The following RPL34 variants were observed in gnomAD, a reference collection of about 807,000 sequenced individuals.
The protein encoded by RPL34 is ribosomal protein L34.
A neutral mutation model predicts 16.3 loss-of-function variants in RPL34; 2 were observed. The observed-to-expected ratio is 0.12, with a 90% CI of 0.05 to 0.39. The LOEUF (loss-of-function observed/expected upper bound fraction) is 0.39. RPL34 is among the 10% of genes least tolerant of loss of function. The pLI, the probability that RPL34 is intolerant of heterozygous loss-of-function variation, is 0.99. For synonymous variants in RPL34, 47 were observed against 48.5 expected (o/e 0.97, Z 0.13); for missense variants, 82 against 148.8 (o/e 0.55, Z 2.33).
rs2110366720 is a variant in RPL34, at chr4:108,625,274, T to A, written c.*62T>A. ...ACGCTGTATGTATGACTTTTTTTTTTTCTGTTGTAATGTGTTAGTATACAG... is the reference window on the plus strand; with the variant it reads ...ACGCTGTATGTATGACTTTTTTTTTATCTGTTGTAATGTGTTAGTATACAG... On this transcript the variant is annotated 3_prime_UTR_variant, in exon 5 of 5. Coordinates refer to ENST00000394667, the MANE Select transcript of RPL34 (RefSeq NM_001319236.2). 2.0e-6 allele frequency: 2 copies of A among 1,007,126 alleles called. No homozygotes were observed. The highest frequency in any genetic ancestry group is 5.0e-5 in the East Asian group (2 of 39,682). The allele number at this position is 1,007,126 out of a possible 1,614,324, so 62.4% of individuals were successfully genotyped here.
chr4:108,625,749 G>A (rs938899643), downstream of RPL34, among the ~76,000 whole-genome samples: 1 of 152,150 alleles, frequency 6.6e-6, no homozygotes, highest in Non-Finnish European at 1.5e-5. Context: ...TTTGGTGACA[G>A]CTCTACCGCT....
rs1474572758 is a variant in RPL34 at position 108,622,088 on chromosome 4, A to G, written c.66-17A>G. 3 of 1,602,576 alleles carry G rather than the reference A, an allele frequency of 1.9e-6. No homozygotes were observed. Among genetic ancestry groups the G allele is most frequent in the African/African-American group, 1.3e-5 (1 of 74,764 alleles). ...TACTCTACAAAATGCTGACCTACTG[A>G]CTGTTTCACTTTCTAGGTCCCGAAC... On this transcript the variant is annotated splice_polypyrimidine_tract_variant and intron_variant, in intron 2 of 4. Transcript: ENST00000394667.
At chr4:108,625,495 C>T (rs1271116992), downstream of RPL34, 1 of 257,702 alleles carries the variant, frequency 3.9e-6, no homozygotes, top group African/African-American at 2.2e-5. Context: ...AAGTGATTCT[C>T]CTGCCTCAGC....
intron 2 of RPL34, 35 bp downstream of exon 2, chr4:108,622,059 C>T (rs1578321578): frequency 6.3e-7 from 1 of 1,591,864 alleles, no homozygotes; most frequent in Non-Finnish European, 8.6e-7. Flanking sequence ...TATATATTGT[C>T]ATTTACTCTA....
downstream of RPL34, chr4:108,630,036 T>C (rs1322233248): frequency 1.3e-5 from 2 of 152,232 alleles, no homozygotes; most frequent in East Asian, 1.9e-4. Flanking sequence ...ATAGAAAAAG[T>C]TGGTGTGCTG....
In RPL34 at chr4:108,625,238, A is replaced by C. The variant is rs977253191; in HGVS notation, c.*26A>C. On this transcript the variant is annotated 3_prime_UTR_variant, in exon 5 of 5. Coordinates refer to ENST00000394667, the MANE Select transcript of RPL34 (RefSeq NM_001319236.2). ...AAAAATGAAACTTTTTTGAGTAATA[A>C]AAATGAAAAGACGCTGTATGTATGA... 3.4e-6 allele frequency: 5 copies of C among 1,459,808 alleles called. No individual in the cohort carries two copies. In the East Asian group the frequency reaches 1.1e-4, roughly 33 times the overall value. 90.4% of individuals were successfully genotyped at this position (1,459,808 alleles called of 1,614,324 possible). A position where few individuals can be genotyped will look rare whatever the true frequency, so the allele number is the denominator to read the frequency against.
chr4:108,628,751 A>G (rs147913167), downstream of RPL34, among the ~76,000 whole-genome samples: 214 of 152,370 alleles, frequency 1.4e-3, no homozygotes, highest in African/African-American at 4.7e-3. Flanking sequence ...TTTACTTAAC[A>G]AACAGCTTTG....
At chr4:108,621,003 T>C (rs1158322697) in intron 1 of RPL34, 3 of 152,372 alleles carry the variant, frequency 2.0e-5, no homozygotes, top group South Asian at 4.1e-4. Context: ...GGTTTCGCTA[T>C]TTGGCTTCTG....
downstream of RPL34, chr4:108,625,577 G>C (rs542910651): frequency 5.9e-6 from 1 of 170,064 alleles, no homozygotes; most frequent in African/African-American, 2.4e-5. Context: ...GTAGAGACGA[G>C]GTTTCTCCAT....
downstream of RPL34, among the ~76,000 whole-genome samples, chr4:108,626,200 T>G (rs1253051596): frequency 1.3e-5 from 2 of 152,162 alleles, no homozygotes; most frequent in Non-Finnish European, 2.9e-5. Flanking sequence ...TGGAGTGCAA[T>G]CTTGGCTTGC....
At chr4:108,627,049 C>CT (rs1726030182), downstream of RPL34, among the ~76,000 whole-genome samples, 1 of 152,022 alleles carries the variant, frequency 6.6e-6, no homozygotes, top group African/African-American at 2.4e-5. Context: ...ACCATCCTGT[C>CT]TAGCACGGTG....
intron 4 of RPL34, among the ~76,000 whole-genome samples, chr4:108,623,862 T>A (rs1406268455): frequency 6.6e-6 from 1 of 152,208 alleles, no homozygotes; most frequent in Non-Finnish European, 1.5e-5. Flanking sequence ...TAACTATGAT[T>A]GAAGTTTAAA....
At chr4:108,628,723 C>A (rs1240135639), downstream of RPL34, among the ~76,000 whole-genome samples, 1 of 152,144 alleles carries the variant, frequency 6.6e-6, no homozygotes, top group Non-Finnish European at 1.5e-5. Flanking sequence ...TCCAAGAATT[C>A]TTGGTATGTT....
chr4:108,621,788 C>T (rs1403474824), intron 1 of RPL34, 163 bp from the exon 2 acceptor site: 9 of 585,546 alleles, frequency 1.5e-5, no homozygotes, highest in African/African-American at 7.5e-5. Context: ...TTATCAGTCA[C>T]CTTTAAATAC....
In RPL34 at chr4:108,622,582, A is replaced by T. The variant is rs558758101; in HGVS notation, c.233A>T (p.Tyr78Phe). Residue 78 changes from tyrosine (Y) to phenylalanine (F), a missense_variant, in exon 4 of 5, where the codon TAT becomes TTT. Tyr to Phe is a conservative substitution (Grantham distance 22). Transcript: ENST00000394667. ...SKTKKHVSRA[Y>F]GGSMCAKCVR... ...ACAAAGAAACATGTCAGCAGGGCCT[A>T]TGGTGGTTCCATGTGTGCTAAATGT... 6.2e-7 allele frequency: 1 copy of T among 1,607,328 alleles called. No individual in the cohort carries two copies. Among genetic ancestry groups the T allele is most frequent in the East Asian group, 2.2e-5 (1 of 44,866 alleles).
At chr4:108,621,857 A>G in intron 1 of RPL34, 94 bp from the exon 2 acceptor site, 3 of 797,644 alleles carry the variant, frequency 3.8e-6, no homozygotes, top group African/African-American at 1.7e-5. Context: ...ATACAAGGAT[A>G]TGTATGTGAA....
chr4:108,622,417 C>G (rs954639106), intron 3 of RPL34, 98 bp from the exon 4 acceptor site: 1 of 919,058 alleles, frequency 1.1e-6, no homozygotes, highest in African/African-American at 1.7e-5. Flanking sequence ...ACACCATTTC[C>G]CTTTGTAACC....
rs1043407250 is a variant in RPL34 at position 108,620,594 on chromosome 4, T to C, written c.-16T>C. ...TTTTCTTCCTCTTCCGGGGACGTTG[T>C]CTGCAGGTATGGATGTTGTTCTCTT... On this transcript the variant is annotated 5_prime_UTR_variant, in exon 1 of 5. Transcript: ENST00000394667. The C allele has an allele frequency of 2.8e-5, 9 of 318,922 alleles. No homozygotes were observed. Among genetic ancestry groups the C allele is most frequent in the African/African-American group, 1.3e-4 (6 of 46,210 alleles). The allele number at this position is 318,922 out of a possible 1,614,324, so 19.8% of individuals were successfully genotyped here. A position where few individuals can be genotyped will look rare whatever the true frequency, so the allele number is the denominator to read the frequency against.
At position 108,625,120 on chromosome 4, in the gene RPL34, C is replaced by T. The variant is rs1379039645; in HGVS notation, c.270-8C>T. The T allele has an allele frequency of 6.3e-7, 1 of 1,590,752 alleles. No homozygotes were observed. Among genetic ancestry groups the T allele is most frequent in the Non-Finnish European group, 8.6e-7 (1 of 1,162,640 alleles). On this transcript the variant is annotated splice_region_variant and splice_polypyrimidine_tract_variant and intron_variant, in intron 4 of 4. Coordinates refer to ENST00000394667, the MANE Select transcript of RPL34 (RefSeq NM_001319236.2). ...AAGAAATGATTAATTTGGTATTTTCCTTTCTAGGATCAAGCGTGCTTTCCT... is the reference window on the plus strand; with the variant it reads ...AAGAAATGATTAATTTGGTATTTTCTTTTCTAGGATCAAGCGTGCTTTCCT...
Sources: allele counts gnomAD v4.1 joint callset (sites outside exome capture counted in the v4.1 genomes callset), GRCh38; gene constraint gnomAD v4.1.1; transcripts MANE v1.5; gene names NCBI Gene and HGNC (gene_info 2026-07-23, HGNC 2026-07-21).